PPM1L: variants seen among roughly 807,000 people sequenced by gnomAD.
PPM1L encodes protein phosphatase 1L.
Under a neutral mutation model 31.4 loss-of-function variants are expected in PPM1L, and 13 were observed. The ratio of observed to expected loss-of-function variants is 0.41; its 90% CI spans 0.27 to 0.66. PPM1L has a LOEUF of 0.66. Among genes scored for constraint, PPM1L ranks in the 30% least tolerant of loss-of-function variants. The probability of loss-of-function intolerance (pLI) is 0.29; values close to 1 mark genes in which losing one functional copy is unlikely to be tolerated. For missense variants in PPM1L, 326 were observed against 453.7 expected (o/e 0.72, Z 2.56); for synonymous variants, 184 against 175.4 (o/e 1.05, Z -0.39).
intron 1 of PPM1L, among the ~76,000 whole-genome samples, chr3:160,884,323 G>A (rs11716265): frequency 0.38 from 56,886 of 151,194 alleles, 13,574 homozygotes; most frequent in Non-Finnish European, 0.54. Context: ...GGTTAGTAAA[G>A]CTTCAACATT....
In PPM1L at chr3:160,798,199, AAC is replaced by A. The variant is rs201188319; in HGVS notation, c.399+41494_399+41495del. On this transcript the variant is annotated intron_variant, in intron 1 of 3. Coordinates refer to ENST00000498165, the MANE Select transcript of PPM1L (RefSeq NM_139245.4). ...CTAAAAAAACAAAAACAAACAAACA[AAC>A]AAAAATGCCAGGTGAAGCAGCAAAT... Among the ~76,000 whole-genome samples, 1,066 of 146,878 alleles carry A rather than the reference AAC, an allele frequency of 7.3e-3. 11 individuals are homozygous for A. The highest frequency in any genetic ancestry group is 0.028 in the African/African-American group (1,032 of 37,228).
chr3:161,047,359 C>A (rs1386051901), intron 2 of PPM1L, among the ~76,000 whole-genome samples: 1 of 152,070 alleles, frequency 6.6e-6, no homozygotes, highest in Admixed American at 6.6e-5. Context: ...GAATAAAATA[C>A]CTAGGAATCC....
chr3:160,898,377 A>G (rs1713418449), intron 1 of PPM1L, among the ~76,000 whole-genome samples: 2 of 152,312 alleles, frequency 1.3e-5, no homozygotes, highest in African/African-American at 4.8e-5. Flanking sequence ...TCAGGTGGGG[A>G]GACTCTCAGC....
At chr3:161,021,444 C>A (rs1718232513) in intron 2 of PPM1L, among the ~76,000 whole-genome samples, 1 of 152,028 alleles carries the variant, frequency 6.6e-6, no homozygotes, top group East Asian at 1.9e-4. Flanking sequence ...GTTTTATAGT[C>A]TAACCTGGAG....
intron 2 of PPM1L, among the ~76,000 whole-genome samples, chr3:161,011,313 G>A (rs892230431): frequency 1.7e-4 from 26 of 152,322 alleles, no homozygotes; most frequent in Non-Finnish European, 2.4e-4. Context: ...GTTTGTCAAA[G>A]ATCAGATGGT....
chr3:160,920,609 TC>T (rs1559887765), intron 1 of PPM1L, among the ~76,000 whole-genome samples: 1 of 49,168 alleles, frequency 2.0e-5, no homozygotes, highest in Non-Finnish European at 5.5e-5. Flanking sequence ...TCTCTCTCTC[TC>T]TCTCTCACAC....
chr3:160,810,086 G>A (rs1712764362), intron 1 of PPM1L, among the ~76,000 whole-genome samples: 1 of 151,854 alleles, frequency 6.6e-6, no homozygotes, highest in African/African-American at 2.4e-5. Context: ...CCTGCTTGGT[G>A]TCTTGCATCA....
At chr3:161,017,182 G>C (rs1186401602) in intron 2 of PPM1L, among the ~76,000 whole-genome samples, 1 of 152,112 alleles carries the variant, frequency 6.6e-6, no homozygotes, top group Admixed American at 6.6e-5. Context: ...TGTGTCTCCA[G>C]TTATCTTAAG....
At chr3:161,055,354 A>G (rs1719383683) in intron 2 of PPM1L, among the ~76,000 whole-genome samples, 1 of 151,912 alleles carries the variant, frequency 6.6e-6, no homozygotes, top group South Asian at 2.1e-4. Flanking sequence ...TGTGTGTTTC[A>G]GGACAGGGCT....
intron 1 of PPM1L, chr3:160,842,434 G>A: frequency 1.6e-6 from 1 of 636,046 alleles, no homozygotes; most frequent in East Asian, 2.7e-5. Context: ...TTATTCTGTA[G>A]AAAATGGATG....
intron 2 of PPM1L, among the ~76,000 whole-genome samples, chr3:160,988,350 G>A (rs1328804386): frequency 6.6e-6 from 1 of 152,154 alleles, no homozygotes; most frequent in African/African-American, 2.4e-5. Flanking sequence ...GAACAGACTT[G>A]ACCTTAAGCA....
At chr3:160,813,729 A>C (rs751979783) in intron 1 of PPM1L, among the ~76,000 whole-genome samples, 8 of 152,228 alleles carry the variant, frequency 5.3e-5, no homozygotes, top group Non-Finnish European at 8.8e-5. Context: ...TCTATAACAA[A>C]GTTTAGCCCA....
chr3:160,958,732 A>T (rs1224368984), intron 1 of PPM1L, among the ~76,000 whole-genome samples: 2 of 152,226 alleles, frequency 1.3e-5, no homozygotes, highest in Non-Finnish European at 1.5e-5. Context: ...TTTGTCAGCA[A>T]CAGAGTTAGG....
intron 2 of PPM1L, among the ~76,000 whole-genome samples, chr3:161,048,543 C>T (rs1252499339): frequency 6.6e-6 from 1 of 152,098 alleles, no homozygotes; most frequent in Non-Finnish European, 1.5e-5. Flanking sequence ...GGATCTAGAA[C>T]TAGAAATACC....
At position 161,075,006 on chromosome 3, in the gene PPM1L, T is replaced by C. The variant is rs965214069; in HGVS notation, c.*5849T>C. The C allele has an allele frequency of 2.0e-5, 3 of 151,954 alleles. No homozygotes were observed. The highest frequency in any genetic ancestry group is 4.4e-5 in the Non-Finnish European group (3 of 68,004). The allele number at this position is 151,954 out of a possible 1,614,324, so 9.4% of individuals were successfully genotyped here. On this transcript the variant is annotated 3_prime_UTR_variant, in exon 4 of 4. Coordinates refer to ENST00000498165, the MANE Select transcript of PPM1L (RefSeq NM_139245.4). Reference sequence around the variant, plus strand: ...TTAATCTCAAAAACCTCCGAGGACATTGAGCACAAGCAGATTACTGTAAGG... The same window carrying C: ...TTAATCTCAAAAACCTCCGAGGACACTGAGCACAAGCAGATTACTGTAAGG...
chr3:160,944,877 A>G (rs1307580789), intron 1 of PPM1L, among the ~76,000 whole-genome samples: 4 of 47,798 alleles, frequency 8.4e-5, no homozygotes, highest in African/African-American at 2.6e-4. Context: ...TGTTATATAT[A>G]ACATATATAT....
At chr3:160,757,971 C>T (rs1037525063) in intron 1 of PPM1L, among the ~76,000 whole-genome samples, 2 of 152,230 alleles carry the variant, frequency 1.3e-5, no homozygotes, top group African/African-American at 4.8e-5. Context: ...CCTTACCCAT[C>T]ACTCTGCTAA....
In PPM1L at chr3:161,005,473, C is replaced by G. The variant is rs139697454; in HGVS notation, c.574+43563C>G. On this transcript the variant is annotated intron_variant, in intron 2 of 3. Transcript: ENST00000498165. ...GTTTAGGAAAAAGAGATGGCCATCT[C>G]AAGGTCAGAGTGGGAAGGTGTTCAA... Among the ~76,000 whole-genome samples, 360 of 152,240 alleles carry G rather than the reference C, an allele frequency of 2.4e-3. 6 individuals carry two copies. Among genetic ancestry groups the G allele is most frequent in the Non-Finnish European group, 2.6e-3 (176 of 68,020 alleles).
chr3:160,760,532 G>A (rs902590920), intron 1 of PPM1L, among the ~76,000 whole-genome samples: 1 of 152,090 alleles, frequency 6.6e-6, no homozygotes, highest in Non-Finnish European at 1.5e-5. Context: ...GTGTGTATGT[G>A]TCTAAAGGTA....
Sources: gnomAD v4.1 joint callset for allele counts (sites outside exome capture counted in the v4.1 genomes callset) on GRCh38, gnomAD v4.1.1 for gene constraint, MANE v1.5 for transcripts, NCBI Gene and HGNC (gene_info 2026-07-23, HGNC 2026-07-21) for gene names.